VRK2: variants seen among roughly 807,000 people sequenced by gnomAD.
The protein encoded by VRK2 is VRK serine/threonine kinase 2.
VRK2 carries 60 observed loss-of-function variants against 57.6 expected under a neutral mutation model. The ratio of observed to expected loss-of-function variants is 1.04; its 90% confidence interval spans 0.85 to 1.29. The LOEUF is 1.29. Ranked by LOEUF, VRK2 falls within the 50% of genes most tolerant of loss-of-function variation. The probability of loss-of-function intolerance (pLI) is 0.00; values close to 1 mark genes in which losing one functional copy is unlikely to be tolerated. For synonymous variants in VRK2, 231 were observed against 199.2 expected (o/e 1.16, Z -1.35); for missense variants, 705 against 588.1 (o/e 1.20, Z -2.06).
intron 1 of VRK2, among the ~76,000 whole-genome samples, chr2:58,013,228 C>T (rs948887727): frequency 1.3e-4 from 20 of 152,092 alleles, no homozygotes; most frequent in African/African-American, 4.3e-4. Flanking sequence ...AATATCATAA[C>T]CAAAATTTGA....
intron 7 of VRK2, among the ~76,000 whole-genome samples, chr2:58,093,098 A>T (rs1094076): frequency 6.6e-6 from 1 of 152,160 alleles, no homozygotes; most frequent in Non-Finnish European, 1.5e-5. Flanking sequence ...AGTCTTTGCT[A>T]TTGTGAATAG....
chr2:58,035,973 T>C lies in VRK2; in HGVS notation c.-6+2420T>C, dbSNP rs147624622. Reference sequence around the variant, plus strand: ...AAGACAGAACTTCCGTTACTAGTTATGGTTGTTATCCATTAGAAAGACTTC... The same window carrying C: ...AAGACAGAACTTCCGTTACTAGTTACGGTTGTTATCCATTAGAAAGACTTC... On this transcript the variant is annotated intron_variant, in intron 3 of 15. Transcript: ENST00000417641. Among the ~76,000 whole-genome samples, 149 of 152,222 alleles carry C rather than the reference T, an allele frequency of 9.8e-4. 1 individual carries two copies. The highest frequency in any genetic ancestry group is 3.6e-3 in the African/African-American group (148 of 41,562).
rs1436671097 is a variant in VRK2 at position 57,977,937 on chromosome 2, A to C, written c.-438-47728A>C. On this transcript the variant is annotated intron_variant, in intron 1 of 15. Coordinates refer to the VRK2 transcript ENST00000417641. Reference sequence around the variant, plus strand: ...GGGTATTTAACATGAAGGGTGTTGAATTTTATCTAAAGCCCTTTCTGCATC... The same window carrying C: ...GGGTATTTAACATGAAGGGTGTTGACTTTTATCTAAAGCCCTTTCTGCATC... Among the ~76,000 whole-genome samples, 3 of 151,216 alleles carry C rather than the reference A, an allele frequency of 2.0e-5. No individual in the cohort carries two copies. In the South Asian group the frequency reaches 6.2e-4, roughly 31 times the overall value.
At chr2:57,929,404 T>A (rs2139053) in intron 1 of VRK2, among the ~76,000 whole-genome samples, 1 of 151,982 alleles carries the variant, frequency 6.6e-6, no homozygotes, top group Non-Finnish European at 1.5e-5. Context: ...ACGTGTTCTT[T>A]AGTCAGCTTT....
intron 7 of VRK2, among the ~76,000 whole-genome samples, chr2:58,096,268 G>A (rs183682702): frequency 6.6e-6 from 1 of 151,952 alleles, no homozygotes; most frequent in African/African-American, 2.4e-5. Flanking sequence ...TCATATTTTG[G>A]TGCCAATATA....
intron 1 of VRK2, among the ~76,000 whole-genome samples, chr2:58,023,789 C>G (rs1487558200): frequency 1.3e-5 from 2 of 151,978 alleles, no homozygotes; most frequent in African/African-American, 4.8e-5. Context: ...TTAGTATAAT[C>G]AGAGCTGCTA....
chr2:58,056,935 A>G (rs1212357022), intron 2 of VRK2, among the ~76,000 whole-genome samples: 2 of 152,134 alleles, frequency 1.3e-5, no homozygotes, highest in African/African-American at 4.8e-5. Flanking sequence ...CTTTATGAAA[A>G]TTCTGAAATG....
At chr2:58,062,960 A>G (rs1431759691) in intron 2 of VRK2, among the ~76,000 whole-genome samples, 1 of 152,032 alleles carries the variant, frequency 6.6e-6, no homozygotes, top group East Asian at 1.9e-4. Flanking sequence ...TGCTAGAGAG[A>G]AGTCAATGCC....
At chr2:57,982,252 T>G (rs1208112214) in intron 1 of VRK2, among the ~76,000 whole-genome samples, 1 of 152,226 alleles carries the variant, frequency 6.6e-6, no homozygotes, top group African/African-American at 2.4e-5. Flanking sequence ...AAGCACCTGC[T>G]GCACTGGAGG....
At chr2:58,157,217 T>C (rs1684017786) in intron 12 of VRK2, among the ~76,000 whole-genome samples, 1 of 152,178 alleles carries the variant, frequency 6.6e-6, no homozygotes, top group Admixed American at 6.5e-5. Context: ...GGAAGTCTGG[T>C]ATCAGATTTT....
In VRK2 at chr2:58,086,524, T is replaced by C. The variant is rs1439302865; in HGVS notation, c.344+98T>C. ...CATGTAACAAATTACCAAAACATAT[T>C]GGCATATAACCACAAACTTGTATTG... On this transcript the variant is annotated intron_variant, in intron 5 of 12. Transcript: ENST00000340157. 3 of 1,056,906 alleles carry C rather than the reference T, an allele frequency of 2.8e-6. No homozygotes were observed. In the African/African-American group the frequency reaches 5.0e-5, roughly 17 times the overall value. 65.5% of individuals were successfully genotyped at this position (1,056,906 alleles called of 1,614,324 possible).
chr2:58,049,719 T>G (rs1415717061), intron 2 of VRK2, among the ~76,000 whole-genome samples: 1 of 152,188 alleles, frequency 6.6e-6, no homozygotes, highest in Non-Finnish European at 1.5e-5. Flanking sequence ...CTAAATGTAC[T>G]CACTTGAGAC....
Position 58,068,830 on chromosome 2 carries a change from C to A in VRK2, c.137-15259C>A, listed in dbSNP as rs201738279. ...CCTCAGGAAAAAAAAAAAAAAAAAACAAAAACTCGGTTATGTATCTTTTAG... is the reference window on the plus strand; with the variant it reads ...CCTCAGGAAAAAAAAAAAAAAAAAAAAAAAACTCGGTTATGTATCTTTTAG... On this transcript the variant is annotated intron_variant, in intron 2 of 12. Coordinates refer to ENST00000340157, the MANE Select transcript of VRK2 (RefSeq NM_006296.7). Among the ~76,000 whole-genome samples the A allele has an allele frequency of 5.0e-3, 647 of 130,226 alleles. 2 individuals are homozygous for A. The highest frequency in any genetic ancestry group is 0.028 in the South Asian group (111 of 3,956). 85.4% of individuals were successfully genotyped at this position (130,226 alleles called of 152,430 possible).
At chr2:58,009,733 A>C (rs1673360764) in intron 1 of VRK2, among the ~76,000 whole-genome samples, 1 of 151,878 alleles carries the variant, frequency 6.6e-6, no homozygotes, top group Non-Finnish European at 1.5e-5. Context: ...AATTGTGAAG[A>C]GTACAATACA....
intron 1 of VRK2, among the ~76,000 whole-genome samples, chr2:57,985,001 T>A (rs1672551221): frequency 6.6e-6 from 1 of 151,972 alleles, no homozygotes; most frequent in South Asian, 2.1e-4. Context: ...GATTAAAAAG[T>A]CAACATTAAG....
chr2:58,157,774 A>AAAT (rs1684166061), intron 12 of VRK2, among the ~76,000 whole-genome samples: 1 of 152,250 alleles, frequency 6.6e-6, no homozygotes, highest in African/African-American at 2.4e-5. Flanking sequence ...GCCAGAAAGA[A>AAAT]AATATTTTCA....
intron 1 of VRK2, among the ~76,000 whole-genome samples, chr2:57,994,604 G>A (rs1672869821): frequency 6.6e-6 from 1 of 152,138 alleles, no homozygotes; most frequent in African/African-American, 2.4e-5. Context: ...GGTCTTTGCA[G>A]GCAAGAAGTC....
At chr2:58,058,839 C>A (rs1676921704) in intron 2 of VRK2, among the ~76,000 whole-genome samples, 1 of 151,986 alleles carries the variant, frequency 6.6e-6, no homozygotes, top group Admixed American at 6.6e-5. Context: ...TACCTCCTGG[C>A]CACAATTTAA....
At chr2:58,104,173 A>G (rs1362751386) in intron 7 of VRK2, among the ~76,000 whole-genome samples, 1 of 151,848 alleles carries the variant, frequency 6.6e-6, no homozygotes, top group African/African-American at 2.4e-5. Context: ...GCCCACTTTT[A>G]CCACTCCTAT....
Sources: gnomAD v4.1 joint callset for allele counts (sites outside exome capture counted in the v4.1 genomes callset) on GRCh38, gnomAD v4.1.1 for gene constraint, MANE v1.5 for transcripts, NCBI Gene and HGNC (gene_info 2026-07-23, HGNC 2026-07-21) for gene names.